Variants in OR3A2 observed in about 807,000 individuals in gnomAD.
The protein encoded by OR3A2 is olfactory receptor family 3 subfamily A member 2.
For synonymous variants in OR3A2, 126 were observed against 159.3 expected (o/e 0.79, Z 1.57); for missense variants, 318 against 392.8 (o/e 0.81, Z 1.61).
intron 2 of OR3A2, among the ~76,000 whole-genome samples, chr17:3,375,550 C>A (rs933755091): frequency 6.6e-6 from 1 of 152,074 alleles, no homozygotes; most frequent in East Asian, 1.9e-4. Context: ...GATCCACCCT[C>A]CTCAGCATCC....
chr17:3,288,661 T>A (rs2048837520), upstream of OR3A2, among the ~76,000 whole-genome samples: 1 of 152,170 alleles, frequency 6.6e-6, no homozygotes, highest in Non-Finnish European at 1.5e-5. Context: ...TAACATCCAA[T>A]GAGGTCAAAG....
At chr17:3,375,084 GTAGC>G (rs2049668333) in intron 2 of OR3A2, among the ~76,000 whole-genome samples, 1 of 127,438 alleles carries the variant, frequency 7.8e-6, no homozygotes, top group Non-Finnish European at 1.6e-5. Context: ...ACTTCATTGA[GTAGC>G]TTAATAGTCA....
intron 2 of OR3A2, among the ~76,000 whole-genome samples, chr17:3,351,721 C>A (rs2049421693): frequency 6.6e-6 from 1 of 151,024 alleles, no homozygotes; most frequent in African/African-American, 2.4e-5. Context: ...GCCCGCATCA[C>A]CAAGTCAATC....
chr17:3,313,974 T>C (rs1321536794), intron 3 of OR3A2, among the ~76,000 whole-genome samples: 1 of 152,192 alleles, frequency 6.6e-6, no homozygotes, highest in Non-Finnish European at 1.5e-5. Flanking sequence ...ATCCTCAAGG[T>C]CCCAATATTA....
intron 3 of OR3A2, among the ~76,000 whole-genome samples, chr17:3,321,222 T>C (rs1420329502): frequency 1.3e-5 from 2 of 151,602 alleles, no homozygotes; most frequent in Non-Finnish European, 2.9e-5. Flanking sequence ...TTTTTGTACA[T>C]TGATTTTGTA....
intron 2 of OR3A2, among the ~76,000 whole-genome samples, chr17:3,379,844 C>T (rs2049717924): frequency 1.3e-5 from 2 of 152,188 alleles, no homozygotes; most frequent in Non-Finnish European, 1.5e-5. Context: ...CAGACCAGCA[C>T]AGCCAGTCAC....
intron 3 of OR3A2, among the ~76,000 whole-genome samples, chr17:3,328,975 G>T (rs1597343100): frequency 6.6e-6 from 1 of 151,368 alleles, no homozygotes; most frequent in Non-Finnish European, 1.5e-5. Flanking sequence ...TAATCATGTG[G>T]TTTTTGTCTT....
intron 2 of OR3A2, among the ~76,000 whole-genome samples, chr17:3,365,910 G>T (rs1238561959): frequency 4.6e-5 from 7 of 152,202 alleles, no homozygotes; most frequent in Admixed American, 4.6e-4. Flanking sequence ...AGGGAAGACT[G>T]AAGAGCCAGC....
At chr17:3,315,361 C>T (rs546698324) in intron 3 of OR3A2, among the ~76,000 whole-genome samples, 29 of 152,248 alleles carry the variant, frequency 1.9e-4, no homozygotes, top group African/African-American at 6.7e-4. Context: ...TGCTTGTTGA[C>T]TTTTTAATAG....
chr17:3,330,595 C>T (rs374602241), intron 3 of OR3A2, among the ~76,000 whole-genome samples: 2 of 151,910 alleles, frequency 1.3e-5, no homozygotes, highest in African/African-American at 4.8e-5. Context: ...TTATTTTGAG[C>T]CTATGTGTGT....
chr17:3,318,003 C>T (rs1051373491), intron 3 of OR3A2, among the ~76,000 whole-genome samples: 4 of 152,104 alleles, frequency 2.6e-5, no homozygotes, highest in African/African-American at 7.2e-5. Context: ...TTTATTTTGG[C>T]GTTTTAGTTA....
chr17:3,379,681 A>G (rs754295303), intron 2 of OR3A2, among the ~76,000 whole-genome samples: 36 of 152,192 alleles, frequency 2.4e-4, no homozygotes, highest in Non-Finnish European at 2.9e-5. Flanking sequence ...CAGAGGAATC[A>G]CATGGTGAGG....
At chr17:3,351,821 G>C (rs1050309252) in intron 2 of OR3A2, among the ~76,000 whole-genome samples, 1 of 152,106 alleles carries the variant, frequency 6.6e-6, no homozygotes, top group Non-Finnish European at 1.5e-5. Context: ...CATGGTACTG[G>C]TACCAAAACA....
chr17:3,340,684 C>G (rs952237254), intron 2 of OR3A2, among the ~76,000 whole-genome samples: 29 of 152,236 alleles, frequency 1.9e-4, no homozygotes, highest in African/African-American at 1.9e-4. Context: ...TTACTTCCAA[C>G]TATGTGGTCA....
intron 1 of OR3A2, 107 bp downstream of exon 3, chr17:3,284,251 C>T (rs1204017503): frequency 6.6e-6 from 1 of 151,474 alleles, no homozygotes; most frequent in Non-Finnish European, 1.5e-5. Flanking sequence ...CCCTAAATGG[C>T]TTTCCCTGTC....
At position 3,360,594 on chromosome 17, in the gene OR3A2, A is replaced by G. The variant is rs537262899; in HGVS notation, c.-179+23210T>C. 1.4e-4 allele frequency among the ~76,000 whole-genome samples: 21 copies of G among 151,862 alleles called. 1 individual carries two copies. The highest frequency in any genetic ancestry group is 5.1e-4 in the African/African-American group (21 of 41,160). The stretch of plus-strand genomic sequence containing the variant: ...TAATCCATCTTGAATTAATTTTCGT[A>G]TAAGGTGTAAAGAAGGGATCCAGTT... On this transcript the variant is annotated intron_variant, in intron 2 of 4. Transcript: ENST00000573491.
intron 3 of OR3A2, among the ~76,000 whole-genome samples, chr17:3,320,422 C>T (rs1238170124): frequency 2.1e-5 from 3 of 140,316 alleles, no homozygotes; most frequent in African/African-American, 7.9e-5. Context: ...GTTGCCATTG[C>T]TTTTGGTGTT....
intron 2 of OR3A2, among the ~76,000 whole-genome samples, chr17:3,345,096 G>T (rs1472266427): frequency 6.6e-6 from 1 of 152,228 alleles, no homozygotes; most frequent in Non-Finnish European, 1.5e-5. Context: ...AAGACAGGTG[G>T]AGAGGTGGAT....
In OR3A2 at chr17:3,363,089, T is replaced by G. The variant is rs187691044; in HGVS notation, c.-179+20715A>C. On this transcript the variant is annotated intron_variant, in intron 2 of 4. Coordinates refer to the OR3A2 transcript ENST00000573491. ...GATAGGAGAGGCTGTGAAGAAGATC[T>G]CTGAAATGCACTGGAGACATTTTCC... Among the ~76,000 whole-genome samples the G allele has an allele frequency of 1.3e-4, 19 of 151,904 alleles. No individual in the cohort carries two copies. The East Asian group carries it at 2.9e-3, about 23-fold the overall frequency.
Sources: gnomAD v4.1 joint callset for allele counts (sites outside exome capture counted in the v4.1 genomes callset) on GRCh38, gnomAD v4.1.1 for gene constraint, MANE v1.5 for transcripts, NCBI Gene and HGNC (gene_info 2026-07-23, HGNC 2026-07-21) for gene names.